Variants in CEP164 observed in about 807,000 individuals in gnomAD.
CEP164 encodes centrosomal protein of 164 kDa.
In CEP164, 162 loss-of-function variants were observed where a neutral mutation model predicts 182.7. That is an observed-to-expected ratio of 0.89 (90% CI 0.78 to 1.01). The LOEUF is 1.01. Ranked by LOEUF, CEP164 falls within the 50% of genes least tolerant of loss-of-function variation. The probability of loss-of-function intolerance (pLI) is 0.00; values close to 1 mark genes in which losing one functional copy is unlikely to be tolerated. For synonymous variants in CEP164, 661 were observed against 690.0 expected (o/e 0.96, Z 0.66); for missense variants, 1,735 against 1,790.4 (o/e 0.97, Z 0.56).
At chr11:117,369,698 G>T (rs1203623939) in intron 8 of CEP164, among the ~76,000 whole-genome samples, 2 of 152,250 alleles carry the variant, frequency 1.3e-5, no homozygotes, top group African/African-American at 4.8e-5. Flanking sequence ...GGCAGCCCAA[G>T]TGTTAGCACA....
Position 117,397,256 on chromosome 11 carries a change from G to A in CEP164, c.3444G>A (p.Val1148=). Residue 1148 remains valine (V), a synonymous_variant, in exon 27 of 33, where the codon GTG becomes GTA. Coordinates refer to ENST00000278935, the MANE Select transcript of CEP164 (RefSeq NM_014956.5). ...ATGAGCTGGCCAGTGCGCAGGAGGT[G>A]GCCAAAGACCCACCAGGCATCAAGG... The part of the protein sequence containing the change: ...WRHELASAQE[V]AKDPPGIKAL... 6.2e-7 allele frequency: 1 copy of A among 1,614,132 alleles called. No homozygotes were observed. The highest frequency in any genetic ancestry group is 8.5e-7 in the Non-Finnish European group (1 of 1,180,028).
chr11:117,360,781 CAA>C (rs1394078314), intron 5 of CEP164, among the ~76,000 whole-genome samples: 1 of 152,194 alleles, frequency 6.6e-6, no homozygotes, highest in Non-Finnish European at 1.5e-5. Flanking sequence ...TCCTCAAAGG[CAA>C]CCATTCTGTT....
At position 117,411,638 on chromosome 11, in the gene CEP164, G is replaced by A; in HGVS notation, c.4164-157G>A. ...GTTTGGGAACTGTTCTGGAGGGGCAGATGTTTTGAAGCTTTGAATTGCTAG... is the reference window on the plus strand; with the variant it reads ...GTTTGGGAACTGTTCTGGAGGGGCAAATGTTTTGAAGCTTTGAATTGCTAG... On this transcript the variant is annotated intron_variant, in intron 31 of 32. Transcript: ENST00000278935. This position sits in a 1 kb window ranked among gnomAD's most constrained non-coding sequence, Gnocchi z 4.4. 1.0e-6 allele frequency: 1 copy of A among 998,512 alleles called. No homozygotes were observed. Among genetic ancestry groups the A allele is most frequent in the Non-Finnish European group, 1.4e-6 (1 of 690,078 alleles). The allele number at this position is 998,512 out of a possible 1,614,324, so 61.9% of individuals were successfully genotyped here.
intron 5 of CEP164, among the ~76,000 whole-genome samples, chr11:117,360,126 T>G (rs2040765342): frequency 1.3e-5 from 2 of 152,100 alleles, no homozygotes; most frequent in African/African-American, 4.8e-5. Context: ...GTATTTTTTT[T>G]GTAGTTAGTG....
chr11:117,339,621 C>T (rs778157060), intron 3 of CEP164, among the ~76,000 whole-genome samples: 3 of 143,326 alleles, frequency 2.1e-5, no homozygotes, highest in Admixed American at 7.5e-5. Context: ...CTCTCTCTCC[C>T]GGGTTCAAGC....
chr11:117,373,828 C>T lies in CEP164; in HGVS notation c.1230C>T (p.Gly410=), dbSNP rs769096956. The T allele has an allele frequency of 6.2e-6, 10 of 1,613,646 alleles. No homozygotes were observed. Among genetic ancestry groups the T allele is most frequent in the Non-Finnish European group, 7.6e-6 (9 of 1,179,718 alleles). ...SIASDPKSFH[G]LDFGFRSRIS... ...CTTCTGACCCCAAGTCCTTCCATGG[C>T]CTGGTGAGTTTGAGATGAGGGCAGT... Residue 410 remains glycine, a synonymous_variant, in exon 10 of 33, where the codon GGC becomes GGT. Transcript: ENST00000278935.
intron 4 of CEP164, among the ~76,000 whole-genome samples, chr11:117,344,833 C>G (rs2038654857): frequency 6.6e-6 from 1 of 151,768 alleles, no homozygotes; most frequent in Admixed American, 6.6e-5. Context: ...GAGGCTGAGG[C>G]AGGAGAATAA....
At position 117,394,890 on chromosome 11, in the gene CEP164, C is replaced by G. The variant is rs1485922685; in HGVS notation, c.2761-30C>G. 2.1e-5 allele frequency: 33 copies of G among 1,609,200 alleles called. No individual in the cohort carries two copies. Among genetic ancestry groups the G allele is most frequent in the South Asian group, 2.2e-5 (2 of 90,682 alleles). On this transcript the variant is annotated intron_variant, in intron 21 of 32. Coordinates refer to ENST00000278935, the MANE Select transcript of CEP164 (RefSeq NM_014956.5). This position sits in a 1 kb window ranked among gnomAD's most constrained non-coding sequence, Gnocchi z 4.0. The stretch of plus-strand genomic sequence containing the variant: ...CCTCAGCTAATGCCTTACACTCTTT[C>G]TATGCTTATGTGTTTCCCTTTCTGG...
At chr11:117,355,003 TG>T in intron 5 of CEP164, 1 of 1,289,738 alleles carries the variant, frequency 7.8e-7, no homozygotes, top group Non-Finnish European at 1.0e-6. Context: ...CGTCAGCACC[TG>T]GGCTTGCTGA....
rs987177760 is a variant in CEP164 at position 117,340,601 on chromosome 11, C to A, written c.82+1933C>A. On this transcript the variant is annotated intron_variant, in intron 3 of 32. Coordinates refer to ENST00000278935, the MANE Select transcript of CEP164 (RefSeq NM_014956.5). Reference sequence around the variant, plus strand: ...CCAGGCTAGTATGCAGTGGCTCCATCATAGCTCACTGCAGCCTTGAACTCG... The same window carrying A: ...CCAGGCTAGTATGCAGTGGCTCCATAATAGCTCACTGCAGCCTTGAACTCG... 3.3e-5 allele frequency among the ~76,000 whole-genome samples: 5 copies of A among 152,280 alleles called. No homozygotes were observed. In the South Asian group the frequency reaches 1.0e-3, roughly 32 times the overall value.
chr11:117,409,129 G>A lies in CEP164; in HGVS notation c.3748+101G>A, dbSNP rs2047031214. Reference sequence around the variant, plus strand: ...CTCTTCCCTCAGCCCTGCAGAGGGAGGCCTCTGTGAGCCGGTGTCTGGACT... The same window carrying A: ...CTCTTCCCTCAGCCCTGCAGAGGGAAGCCTCTGTGAGCCGGTGTCTGGACT... On this transcript the variant is annotated intron_variant, in intron 29 of 32. Coordinates refer to ENST00000278935, the MANE Select transcript of CEP164 (RefSeq NM_014956.5). The surrounding 1 kb of genome is among the most constrained non-coding windows in gnomAD (Gnocchi z 4.4). 3.4e-6 allele frequency: 5 copies of A among 1,453,938 alleles called. No homozygotes were observed. The highest frequency in any genetic ancestry group is 4.7e-6 in the Non-Finnish European group (5 of 1,064,858). The allele number at this position is 1,453,938 out of a possible 1,614,324, so 90.1% of individuals were successfully genotyped here.
intron 27 of CEP164, among the ~76,000 whole-genome samples, chr11:117,406,894 G>C (rs2136830356): frequency 6.6e-6 from 1 of 152,174 alleles, no homozygotes; most frequent in South Asian, 2.1e-4. Flanking sequence ...AGGAGTTCAA[G>C]ACCAGACTGA....
intron 12 of CEP164, among the ~76,000 whole-genome samples, chr11:117,381,013 A>G (rs143775043): frequency 2.4e-4 from 36 of 152,326 alleles, no homozygotes; most frequent in African/African-American, 8.7e-4. Context: ...TTGTGGGGCC[A>G]GGGCTGATGA....
chr11:117,395,592 C>A lies in CEP164; in HGVS notation c.2959C>A (p.His987Asn). Residue 987 changes from histidine to asparagine, a missense_variant, in exon 24 of 33, where the codon CAC (histidine) becomes AAC (asparagine). Physicochemically the swap from His to Asn is moderately conservative, Grantham distance 68. Transcript: ENST00000278935. ...GCAGCTGGAGGAGGCACAGAAGGAG[C>A]ACACCCACCTGTTGCAGTCAAACCA... ...HQQLEEAQKE[H>N]THLLQSNQQL... 1 of 1,613,782 alleles carries A rather than the reference C, an allele frequency of 6.2e-7. No individual in the cohort carries two copies. Among genetic ancestry groups the A allele is most frequent in the Non-Finnish European group, 8.5e-7 (1 of 1,179,868 alleles).
rs2044550102 is a variant in CEP164, at chr11:117,390,822, C to T, written c.1980C>T (p.Ala660=). The change falls in exon 16 of 33, where the codon GCC becomes GCT. Residue 660 remains alanine, a synonymous_variant. Transcript: ENST00000278935. The part of the protein sequence containing the change: ...RLQKAIEEEE[A]RMREEESQRL... ...AGAAAGCCATTGAGGAGGAGGAGGC[C>T]CGGATGAGAGAGGAGGAAAGCCAGA... 1 of 1,613,612 alleles carries T rather than the reference C, an allele frequency of 6.2e-7. No individual in the cohort carries two copies. The highest frequency in any genetic ancestry group is 2.2e-5 in the East Asian group (1 of 44,780).
At chr11:117,373,298 T>G (rs1447961848) in intron 9 of CEP164, among the ~76,000 whole-genome samples, 1 of 146,192 alleles carries the variant, frequency 6.8e-6, no homozygotes. Context: ...ACCCGGGAGG[T>G]GGAGGCTGCA....
intron 1 of CEP164, among the ~76,000 whole-genome samples, chr11:117,334,823 G>A (rs1479145880): frequency 6.7e-6 from 1 of 149,904 alleles, no homozygotes; most frequent in Admixed American, 6.6e-5. Context: ...AGATCATTAT[G>A]TATATAGCAA....
At chr11:117,356,207 C>T in intron 5 of CEP164, 1 of 1,072,156 alleles carries the variant, frequency 9.3e-7, no homozygotes, top group Non-Finnish European at 1.1e-6. Flanking sequence ...TGACGAGGAG[C>T]AGTCAGAAAG....
intron 10 of CEP164, among the ~76,000 whole-genome samples, chr11:117,375,298 C>G (rs1170060402): frequency 6.6e-6 from 1 of 152,214 alleles, no homozygotes; most frequent in East Asian, 1.9e-4. Flanking sequence ...CCCCAGGCCC[C>G]TTGCTTATCA....
Sources: allele counts gnomAD v4.1 joint callset (sites outside exome capture counted in the v4.1 genomes callset), GRCh38; gene constraint gnomAD v4.1.1; non-coding constraint Gnocchi (gnomAD v3.1); transcripts MANE v1.5; gene names NCBI Gene and HGNC (gene_info 2026-07-23, HGNC 2026-07-21).